FSTL5: variants seen among roughly 807,000 people sequenced by gnomAD.
The protein encoded by FSTL5 is follistatin-related protein 5.
FSTL5 carries 62 observed loss-of-function variants against 89.1 expected under a neutral mutation model. That is an observed-to-expected ratio of 0.70 (90% confidence interval 0.57 to 0.86). FSTL5 has a LOEUF of 0.86. Among genes scored for constraint, FSTL5 ranks in the 40% least tolerant of loss-of-function variants. FSTL5 has a pLI of 0.00. For missense variants in FSTL5, 1,057 were observed against 1,001.6 expected (o/e 1.06, Z -0.75); for synonymous variants, 383 against 346.2 (o/e 1.11, Z -1.18).
intron 4 of FSTL5, among the ~76,000 whole-genome samples, chr4:161,783,458 T>C (rs1388334490): frequency 6.6e-6 from 1 of 151,908 alleles, no homozygotes; most frequent in Admixed American, 6.6e-5. Flanking sequence ...CTACAATTGC[T>C]GGTAAAATTT....
rs79451881 is a variant in FSTL5, at chr4:161,406,481, T to G, written c.1842-20032A>C. Among the ~76,000 whole-genome samples the G allele has an allele frequency of 3.5e-3, 527 of 152,282 alleles. 13 individuals are homozygous for G. In the East Asian group the frequency reaches 0.054, roughly 16 times the overall value. On this transcript the variant is annotated intron_variant, in intron 15 of 15. Transcript: ENST00000306100. Reference sequence around the variant, plus strand: ...TCCATATTTTCTTGAGAAAAATTTATATTCTGCTGTTTGGGGGATGAAATT... The same window carrying G: ...TCCATATTTTCTTGAGAAAAATTTAGATTCTGCTGTTTGGGGGATGAAATT...
chr4:161,507,968 T>C (rs1307860821), intron 11 of FSTL5, among the ~76,000 whole-genome samples: 1 of 151,946 alleles, frequency 6.6e-6, no homozygotes, highest in African/African-American at 2.4e-5. Flanking sequence ...TTTTCTTGGC[T>C]ATGGTAAAGA....
chr4:161,548,622 T>C (rs1732088264), intron 8 of FSTL5, among the ~76,000 whole-genome samples: 1 of 151,796 alleles, frequency 6.6e-6, no homozygotes, highest in Non-Finnish European at 1.5e-5. Flanking sequence ...TGCAATTGTA[T>C]GGACAGTCAA....
Position 162,111,280 on chromosome 4 carries a change from C to T in FSTL5, c.117G>A (p.Leu39=), listed in dbSNP as rs1439796143. 1.9e-6 allele frequency: 3 copies of T among 1,607,292 alleles called. No homozygotes were observed. The highest frequency in any genetic ancestry group is 2.6e-6 in the Non-Finnish European group (3 of 1,175,516). ...AGAATATTGACTGTACCTTATGTCG[C>T]AATCTCATTAGAGGCTGATAGGATT... ...GLKSYQPLMR[L]RHKQEKNQES... Residue 39 remains leucine, a synonymous_variant, in exon 2 of 16, where the codon TTG becomes TTA. Transcript: ENST00000306100.
At chr4:161,510,298 A>G in intron 11 of FSTL5, 100 bp downstream of exon 11, 1 of 761,466 alleles carries the variant, frequency 1.3e-6, no homozygotes, top group Admixed American at 3.4e-5. Flanking sequence ...ATATTGAATC[A>G]AAATGAAAAA....
intron 2 of FSTL5, among the ~76,000 whole-genome samples, chr4:162,108,803 T>C (rs865835894): frequency 1.8e-4 from 28 of 151,742 alleles, no homozygotes; most frequent in African/African-American, 6.8e-4. Flanking sequence ...TATATGTATA[T>C]ATGATACATA....
At chr4:161,595,370 T>C (rs1200924506) in intron 7 of FSTL5, among the ~76,000 whole-genome samples, 2 of 152,046 alleles carry the variant, frequency 1.3e-5, no homozygotes, top group African/African-American at 4.8e-5. Flanking sequence ...TTACTGCCAA[T>C]GGACACTCCA....
intron 4 of FSTL5, among the ~76,000 whole-genome samples, chr4:161,818,131 C>T (rs1002957175): frequency 1.3e-5 from 2 of 152,172 alleles, no homozygotes; most frequent in African/African-American, 4.8e-5. Context: ...AACACACAGG[C>T]AGCTGGACAT....
chr4:161,749,572 C>G (rs369680344), intron 6 of FSTL5, among the ~76,000 whole-genome samples: 1 of 151,604 alleles, frequency 6.6e-6, no homozygotes, highest in African/African-American at 2.4e-5. Context: ...CTGAGGCGGG[C>G]GGATCCCGAG....
At chr4:161,562,374 T>C (rs1732636750) in intron 8 of FSTL5, among the ~76,000 whole-genome samples, 1 of 151,994 alleles carries the variant, frequency 6.6e-6, no homozygotes, top group Non-Finnish European at 1.5e-5. Context: ...AGCTGTGATT[T>C]TCATAGAAAC....
At chr4:161,436,537 C>T (rs1427449258) in intron 15 of FSTL5, among the ~76,000 whole-genome samples, 1 of 152,160 alleles carries the variant, frequency 6.6e-6, no homozygotes, top group East Asian at 1.9e-4. Context: ...TCTGACTTCT[C>T]CAGAATAGGT....
intron 6 of FSTL5, among the ~76,000 whole-genome samples, chr4:161,737,568 C>T (rs1739862120): frequency 6.6e-6 from 1 of 151,974 alleles, no homozygotes; most frequent in African/African-American, 2.4e-5. Context: ...GCCCATTTCT[C>T]ACCAGTTGAG....
intron 3 of FSTL5, among the ~76,000 whole-genome samples, chr4:161,956,076 A>G (rs1403978523): frequency 6.6e-6 from 1 of 151,908 alleles, no homozygotes; most frequent in Non-Finnish European, 1.5e-5. Flanking sequence ...CTGTTGTACC[A>G]GTTACCCAAT....
intron 2 of FSTL5, among the ~76,000 whole-genome samples, chr4:162,044,808 C>G (rs868689380): frequency 3.3e-5 from 5 of 152,294 alleles, no homozygotes; most frequent in South Asian, 2.1e-4. Flanking sequence ...TTTCCTTAAG[C>G]CATGTGAACC....
intron 2 of FSTL5, among the ~76,000 whole-genome samples, chr4:162,108,425 CTT>C (rs1731309822): frequency 6.6e-6 from 1 of 151,946 alleles, no homozygotes; most frequent in Non-Finnish European, 1.5e-5. Context: ...CTATATATCT[CTT>C]TGTTCAGATT....
chr4:161,666,000 G>T (rs866343503), intron 6 of FSTL5, among the ~76,000 whole-genome samples: 1 of 152,048 alleles, frequency 6.6e-6, no homozygotes, highest in African/African-American at 2.4e-5. Context: ...GGTAGAGAAA[G>T]ATTTTGTTAA....
chr4:162,005,413 C>T (rs963739625), intron 3 of FSTL5, among the ~76,000 whole-genome samples: 5 of 151,968 alleles, frequency 3.3e-5, no homozygotes, highest in African/African-American at 9.7e-5. Context: ...TTTGGTAGCC[C>T]GCCACCTATA....
At chr4:161,734,317 TTATA>T (rs1392853079) in intron 6 of FSTL5, among the ~76,000 whole-genome samples, 1 of 152,196 alleles carries the variant, frequency 6.6e-6, no homozygotes, top group African/African-American at 2.4e-5. Flanking sequence ...GAGTTCTAGC[TTATA>T]TAATTTACAA....
chr4:161,898,906 A>G (rs1224125879), intron 4 of FSTL5, among the ~76,000 whole-genome samples: 2 of 151,904 alleles, frequency 1.3e-5, no homozygotes, highest in Admixed American at 6.6e-5. Context: ...TGGGATTACA[A>G]GCCTGAGCCA....
Sources: gnomAD v4.1 joint callset for allele counts (sites outside exome capture counted in the v4.1 genomes callset) on GRCh38, gnomAD v4.1.1 for gene constraint, MANE v1.5 for transcripts, NCBI Gene and HGNC (gene_info 2026-07-23, HGNC 2026-07-21) for gene names.